Variants in PTPRN2 observed in about 807,000 individuals in gnomAD.
PTPRN2 encodes the protein receptor-type tyrosine-protein phosphatase N2.
PTPRN2 carries 74 observed loss-of-function variants against 118.8 expected under a neutral mutation model. That is an observed-to-expected ratio of 0.62 (90% CI 0.52 to 0.76). PTPRN2 has a LOEUF of 0.76. Among genes scored for constraint, PTPRN2 ranks in the 30% least tolerant of loss-of-function variants. The pLI is 0.00. For synonymous variants in PTPRN2, 641 were observed against 608.0 expected (o/e 1.05, Z -0.80); for missense variants, 1,481 against 1,394.4 (o/e 1.06, Z -0.99).
At position 158,205,685 on chromosome 7, in the gene PTPRN2, T is replaced by C. The variant is rs1827078936; in HGVS notation, c.278-412A>G. Among the ~76,000 whole-genome samples the C allele has an allele frequency of 2.0e-5, 3 of 151,868 alleles. No individual in the cohort carries two copies. In the South Asian group the frequency reaches 6.2e-4, roughly 32 times the overall value. ...TCATTGAAAGAGGCACTGAAGAGGG[T>C]GGAAAAGATCATTTGGAATTGCTGA... On this transcript the variant is annotated intron_variant, in intron 3 of 22. Transcript: ENST00000389418.
At chr7:158,458,231 G>A (rs1586722516) in intron 2 of PTPRN2, among the ~76,000 whole-genome samples, 1 of 152,028 alleles carries the variant, frequency 6.6e-6, no homozygotes, top group African/African-American at 2.4e-5. Context: ...TTATTTCCCC[G>A]ACATCTGGTG....
intron 5 of PTPRN2, among the ~76,000 whole-genome samples, chr7:158,188,208 CGCCGCCTG>C (rs1825364841): frequency 5.5e-5 from 4 of 72,314 alleles, no homozygotes; most frequent in East Asian, 8.3e-4. Flanking sequence ...CCGCCACGCT[CGCCGCCTG>C]ATGGGGAAGG....
At chr7:158,459,343 C>T (rs80010593) in intron 2 of PTPRN2, among the ~76,000 whole-genome samples, 55,604 of 99,540 alleles carry the variant, frequency 0.56, 13,706 homozygotes, top group Non-Finnish European at 0.57. Flanking sequence ...CTGGGACGAA[C>T]AGGCTCCAGA....
intron 5 of PTPRN2, among the ~76,000 whole-genome samples, chr7:158,169,549 G>A (rs1823348971): frequency 6.6e-6 from 1 of 151,736 alleles, no homozygotes; most frequent in South Asian, 2.1e-4. Context: ...CCAAAGTGCT[G>A]GGATTACAGG....
chr7:157,883,083 A>G (rs1796241830), intron 12 of PTPRN2, among the ~76,000 whole-genome samples: 1 of 151,304 alleles, frequency 6.6e-6, no homozygotes, highest in Admixed American at 6.6e-5. Context: ...GTTGTTGGAG[A>G]CCAGAACACA....
chr7:158,274,321 A>C (rs1304177534), intron 3 of PTPRN2, among the ~76,000 whole-genome samples: 1 of 103,948 alleles, frequency 9.6e-6, no homozygotes, highest in African/African-American at 4.2e-5. Context: ...AGCCGCAGCC[A>C]CAGGGGGAGC....
rs546805968 is a variant in PTPRN2 at position 158,097,200 on chromosome 7, A to G, written c.1643+13629T>C. ...AGAAGTTTCCCGGCAAACCCCAGGG[A>G]CTTCTCCCACTGGCAGGGTGGGAGA... On this transcript the variant is annotated intron_variant, in intron 10 of 22. Transcript: ENST00000389418. Among the ~76,000 whole-genome samples, 211 of 152,096 alleles carry G rather than the reference A, an allele frequency of 1.4e-3. 1 individual carries two copies. The Middle Eastern group carries it at 0.017, about 12-fold the overall frequency.
At chr7:157,717,028 G>A (rs971596951) in intron 12 of PTPRN2, among the ~76,000 whole-genome samples, 6 of 125,184 alleles carry the variant, frequency 4.8e-5, no homozygotes, top group Non-Finnish European at 8.4e-5. Flanking sequence ...GCCTGGCCAC[G>A]TAGACTCTGC....
intron 17 of PTPRN2, among the ~76,000 whole-genome samples, chr7:157,581,404 G>A (rs1429004957): frequency 6.6e-6 from 1 of 152,232 alleles, no homozygotes. Flanking sequence ...GGGGAGGGGA[G>A]CAATGTTGCG....
intron 11 of PTPRN2, among the ~76,000 whole-genome samples, chr7:158,056,117 C>T (rs1585289576): frequency 6.6e-6 from 1 of 152,346 alleles, no homozygotes; most frequent in East Asian, 1.9e-4. Context: ...CCTTCTCCCA[C>T]ACACTCCCTC....
intron 2 of PTPRN2, among the ~76,000 whole-genome samples, chr7:158,462,236 A>C (rs1819060476): frequency 6.6e-6 from 1 of 152,130 alleles, no homozygotes; most frequent in African/African-American, 2.4e-5. Flanking sequence ...TTATCCCAGG[A>C]TGTCACTTCT....
intron 14 of PTPRN2, among the ~76,000 whole-genome samples, chr7:157,643,925 G>A (rs951440367): frequency 1.3e-5 from 2 of 152,230 alleles, no homozygotes; most frequent in Non-Finnish European, 2.9e-5. Flanking sequence ...AGTGCTCGCC[G>A]CACGCTCAGC....
At chr7:158,167,601 G>A (rs1215639964) in intron 5 of PTPRN2, among the ~76,000 whole-genome samples, 1 of 152,190 alleles carries the variant, frequency 6.6e-6, no homozygotes, top group Non-Finnish European at 1.5e-5. Flanking sequence ...TCAGAGTTGT[G>A]AGACATCACT....
intron 2 of PTPRN2, among the ~76,000 whole-genome samples, chr7:158,332,693 A>G (rs1212661501): frequency 3.0e-4 from 45 of 149,674 alleles, no homozygotes; most frequent in South Asian, 4.2e-4. Flanking sequence ...TCTAACCATA[A>G]GAGTTGACAC....
intron 11 of PTPRN2, among the ~76,000 whole-genome samples, chr7:158,053,957 C>T (rs952494286): frequency 7.4e-5 from 11 of 148,432 alleles, no homozygotes; most frequent in Admixed American, 2.0e-4. Flanking sequence ...ATGCAGAGAC[C>T]CCAGAGATGC....
Position 157,893,617 on chromosome 7 carries a change from T to C in PTPRN2, c.1788+5056A>G, listed in dbSNP as rs1584965657. Among the ~76,000 whole-genome samples, 1 of 152,180 alleles carries C rather than the reference T, an allele frequency of 6.6e-6. No homozygotes were observed. ...GGAGAAACAGGCTGCGGCAGGAAGATCAAGAGCCCTGCGTGGCCCACTTTA... is the reference window on the plus strand; with the variant it reads ...GGAGAAACAGGCTGCGGCAGGAAGACCAAGAGCCCTGCGTGGCCCACTTTA... On this transcript the variant is annotated intron_variant, in intron 12 of 22. Transcript: ENST00000389418. This position sits in a 1 kb window ranked among gnomAD's most constrained non-coding sequence, Gnocchi z 4.0.
At chr7:157,692,003 A>T (rs1052860752) in intron 12 of PTPRN2, among the ~76,000 whole-genome samples, 8 of 152,134 alleles carry the variant, frequency 5.3e-5, no homozygotes, top group Non-Finnish European at 1.2e-4. Flanking sequence ...TGTGTGTACA[A>T]TGCGCTCTCC....
At chr7:158,402,786 T>C (rs1813051916) in intron 2 of PTPRN2, among the ~76,000 whole-genome samples, 1 of 152,176 alleles carries the variant, frequency 6.6e-6, no homozygotes, top group South Asian at 2.1e-4. Flanking sequence ...TGGACAGCTC[T>C]GGTCCCACGG....
At chr7:158,082,615 C>T (rs1419374614) in intron 10 of PTPRN2, among the ~76,000 whole-genome samples, 1 of 152,230 alleles carries the variant, frequency 6.6e-6, no homozygotes, top group Non-Finnish European at 1.5e-5. Context: ...TGAATCAGCG[C>T]CTGCTCTGAG....
Sources: allele counts gnomAD v4.1 joint callset (sites outside exome capture counted in the v4.1 genomes callset), GRCh38; gene constraint gnomAD v4.1.1; non-coding constraint Gnocchi (gnomAD v3.1); transcripts MANE v1.5; gene names NCBI Gene and HGNC (gene_info 2026-07-23, HGNC 2026-07-21).